Variants in MACROD2 observed in about 807,000 individuals in gnomAD.
The protein encoded by MACROD2 is ADP-ribose glycohydrolase MACROD2.
Under a neutral mutation model 70.4 loss-of-function variants are expected in MACROD2, and 36 were observed. That is an observed-to-expected ratio of 0.51 (90% CI 0.39 to 0.68). The LOEUF (loss-of-function observed/expected upper bound fraction) is 0.68, where lower values mean the gene tolerates loss of function less well. MACROD2 is among the 30% of genes least tolerant of loss of function. The probability of loss-of-function intolerance (pLI) is 0.00; values close to 1 mark genes in which losing one functional copy is unlikely to be tolerated. For synonymous variants in MACROD2, 172 were observed against 178.8 expected, an observed-to-expected ratio of 0.96 and a Z score of 0.30; for missense variants, 496 against 538.4, an observed-to-expected ratio of 0.92 and a Z score of 0.78.
intron 2 of MACROD2, among the ~76,000 whole-genome samples, chr20:14,066,271 C>A (rs922238278): frequency 6.6e-6 from 1 of 152,160 alleles, no homozygotes; most frequent in East Asian, 1.9e-4. Context: ...TAAGCATAAA[C>A]ACATTCTGTA....
intron 12 of MACROD2, among the ~76,000 whole-genome samples, chr20:15,947,756 A>G (rs778468904): frequency 6.6e-6 from 1 of 152,312 alleles, no homozygotes; most frequent in South Asian, 2.1e-4. Context: ...AATGCTGTTG[A>G]TGATTTAACA....
intron 4 of MACROD2, among the ~76,000 whole-genome samples, chr20:14,586,416 G>T (rs1218314812): frequency 6.6e-6 from 1 of 152,058 alleles, no homozygotes; most frequent in Non-Finnish European, 1.5e-5. Flanking sequence ...GTGAAAAGAT[G>T]CAGAAGAAAA....
At chr20:14,870,953 T>C (rs1355849637) in intron 5 of MACROD2, among the ~76,000 whole-genome samples, 17 of 152,194 alleles carry the variant, frequency 1.1e-4, no homozygotes, top group Admixed American at 9.8e-4. Context: ...TTAGTTTAAT[T>C]AGATCACATT....
chr20:15,429,918 C>T (rs2146355074), intron 6 of MACROD2, among the ~76,000 whole-genome samples: 1 of 152,176 alleles, frequency 6.6e-6, no homozygotes, highest in African/African-American at 2.4e-5. Flanking sequence ...TAGTTTCTCA[C>T]CCCTTGCCTC....
chr20:15,631,087 G>T (rs1333111171), intron 8 of MACROD2, among the ~76,000 whole-genome samples: 1 of 152,118 alleles, frequency 6.6e-6, no homozygotes, highest in Non-Finnish European at 1.5e-5. Flanking sequence ...TGTACTTTAG[G>T]CCAAACTCTG....
chr20:14,816,534 AAAT>A (rs760594565), intron 5 of MACROD2, among the ~76,000 whole-genome samples: 5 of 152,086 alleles, frequency 3.3e-5, no homozygotes, highest in Non-Finnish European at 7.4e-5. Context: ...TCATCTGTAT[AAAT>A]TGATCACATT....
At chr20:14,836,187 A>G (rs13041054) in intron 5 of MACROD2, among the ~76,000 whole-genome samples, 1 of 152,104 alleles carries the variant, frequency 6.6e-6, no homozygotes. Context: ...AGAGTGGGTT[A>G]AGCAAGTTAT....
intron 6 of MACROD2, among the ~76,000 whole-genome samples, chr20:15,297,309 C>T (rs952126282): frequency 2.0e-5 from 3 of 152,122 alleles, no homozygotes; most frequent in African/African-American, 7.2e-5. Context: ...CCCAGAATAC[C>T]TGAGTCAATT....
At chr20:14,831,581 C>T (rs1296091525) in intron 5 of MACROD2, among the ~76,000 whole-genome samples, 5 of 151,460 alleles carry the variant, frequency 3.3e-5, no homozygotes, top group African/African-American at 1.2e-4. Context: ...GAGTTTGAGA[C>T]CAGCCTGGCC....
intron 4 of MACROD2, among the ~76,000 whole-genome samples, chr20:14,677,341 T>A (rs1190102333): frequency 1.3e-5 from 2 of 152,228 alleles, no homozygotes; most frequent in Admixed American, 1.3e-4. Flanking sequence ...ACAATTCCCC[T>A]CAAGCATAAC....
chr20:15,627,228 CA>C (rs33936061), intron 8 of MACROD2, among the ~76,000 whole-genome samples: 35,889 of 93,976 alleles, frequency 0.38, 5,004 homozygotes, highest in African/African-American at 0.5. Context: ...AAAAGATTAC[CA>C]AAAAAAAAAA....
chr20:14,158,923 T>C (rs1405501863), intron 3 of MACROD2, among the ~76,000 whole-genome samples: 1 of 152,142 alleles, frequency 6.6e-6, no homozygotes, highest in Non-Finnish European at 1.5e-5. Context: ...AATTTTAGGA[T>C]TGCTTTTTCT....
intron 3 of MACROD2, among the ~76,000 whole-genome samples, chr20:14,360,336 A>G (rs1023756187): frequency 3.3e-5 from 5 of 152,212 alleles, no homozygotes; most frequent in Non-Finnish European, 7.3e-5. Context: ...CCATTCCACA[A>G]TGTATACATA....
intron 6 of MACROD2, among the ~76,000 whole-genome samples, chr20:15,379,948 C>T (rs912400784): frequency 6.6e-6 from 1 of 152,194 alleles, no homozygotes; most frequent in African/African-American, 2.4e-5. Context: ...GATTTCTTCT[C>T]CTACTCCAGG....
chr20:14,870,987 AT>A (rs2073481301), intron 5 of MACROD2, among the ~76,000 whole-genome samples: 1 of 152,094 alleles, frequency 6.6e-6, no homozygotes, highest in Non-Finnish European at 1.5e-5. Flanking sequence ...TTTTGTTGCA[AT>A]TGCTTTTAGT....
intron 6 of MACROD2, among the ~76,000 whole-genome samples, chr20:15,236,422 A>G (rs1473492415): frequency 6.6e-6 from 1 of 152,236 alleles, no homozygotes; most frequent in African/African-American, 2.4e-5. Context: ...TGGCCACACC[A>G]GAGAGATGAT....
At chr20:14,948,243 A>G (rs911345102) in intron 5 of MACROD2, among the ~76,000 whole-genome samples, 1 of 152,198 alleles carries the variant, frequency 6.6e-6, no homozygotes, top group African/African-American at 2.4e-5. Flanking sequence ...TAAGCTAAGC[A>G]GGCCATGCAC....
chr20:15,812,681 G>A (rs752098693), intron 8 of MACROD2, among the ~76,000 whole-genome samples: 1 of 152,284 alleles, frequency 6.6e-6, no homozygotes, highest in African/African-American at 2.4e-5. Context: ...ATTTTAGCTA[G>A]GTATTCAATT....
chr20:14,652,446 A>G (rs1482310446), intron 4 of MACROD2, among the ~76,000 whole-genome samples: 1 of 152,106 alleles, frequency 6.6e-6, no homozygotes, highest in African/African-American at 2.4e-5. Context: ...TTTCTTACCT[A>G]ATTTATTTCC....
Sources: gnomAD v4.1 joint callset for allele counts (sites outside exome capture counted in the v4.1 genomes callset) on GRCh38, gnomAD v4.1.1 for gene constraint, MANE v1.5 for transcripts, NCBI Gene and HGNC (gene_info 2026-07-23, HGNC 2026-07-21) for gene names.